Variants in NCKAP5 observed in about 807,000 individuals in gnomAD.
NCKAP5 encodes the protein NCK associated protein 5.
A neutral mutation model predicts 167.0 loss-of-function variants in NCKAP5; 92 were observed. The ratio of observed to expected loss-of-function variants is 0.55; its 90% CI spans 0.47 to 0.66. The LOEUF (loss-of-function observed/expected upper bound fraction) is 0.66. Among genes scored for constraint, NCKAP5 ranks in the 30% least tolerant of loss-of-function variants. NCKAP5 has a pLI of 0.00. For missense variants in NCKAP5, 2,378 were observed against 2,315.0 expected (o/e 1.03, Z -0.56); for synonymous variants, 891 against 877.4 (o/e 1.02, Z -0.27).
chr2:133,476,053 T>A (rs1386738387), intron 3 of NCKAP5, among the ~76,000 whole-genome samples: 3 of 152,214 alleles, frequency 2.0e-5, no homozygotes, highest in Admixed American at 2.0e-4. Flanking sequence ...TTATCCTCCA[T>A]CCATGTCTCT....
intron 19 of NCKAP5, among the ~76,000 whole-genome samples, chr2:132,719,806 G>A (rs994673211): frequency 1.3e-5 from 2 of 152,194 alleles, no homozygotes; most frequent in Admixed American, 6.5e-5. Context: ...GCGACTCCTT[G>A]CTTCATAGTT....
chr2:133,567,880 GT>G (rs976257996), intron 1 of NCKAP5, among the ~76,000 whole-genome samples: 16 of 152,162 alleles, frequency 1.1e-4, no homozygotes, highest in African/African-American at 3.6e-4. Context: ...CAGCCTAATA[GT>G]TTTTTGGTTG....
intron 16 of NCKAP5, among the ~76,000 whole-genome samples, chr2:132,742,752 T>C (rs1679313004): frequency 6.6e-6 from 1 of 151,968 alleles, no homozygotes; most frequent in African/African-American, 2.4e-5. Context: ...ATATTCATTT[T>C]AACATGTTTT....
At chr2:133,384,584 T>G (rs1021410417) in intron 3 of NCKAP5, among the ~76,000 whole-genome samples, 55 of 152,338 alleles carry the variant, frequency 3.6e-4, no homozygotes, top group African/African-American at 1.3e-3. Flanking sequence ...TTTTTCCAAT[T>G]CTGTGAAGAA....
chr2:132,946,791 A>G (rs1458625626), intron 8 of NCKAP5, among the ~76,000 whole-genome samples: 3 of 152,150 alleles, frequency 2.0e-5, no homozygotes, highest in African/African-American at 7.2e-5. Flanking sequence ...CCAGCTACTC[A>G]AGAGGCTGAG....
chr2:133,573,232 A>G (rs1688929131), upstream of NCKAP5, among the ~76,000 whole-genome samples: 1 of 152,246 alleles, frequency 6.6e-6, no homozygotes. Flanking sequence ...AGGAATTCCA[A>G]CAAAGTTCAG....
At chr2:133,281,660 T>C (rs2089940750) in intron 4 of NCKAP5, among the ~76,000 whole-genome samples, 1 of 152,218 alleles carries the variant, frequency 6.6e-6, no homozygotes. Context: ...AAAGAATGTG[T>C]TCTGCCTTTC....
rs575885806 is a variant in NCKAP5, at chr2:132,707,374, C to A, written c.5713+18253G>T. 4.6e-5 allele frequency among the ~76,000 whole-genome samples: 7 copies of A among 152,348 alleles called. No homozygotes were observed. In the East Asian group the frequency reaches 1.3e-3, roughly 29 times the overall value. On this transcript the variant is annotated intron_variant, in intron 19 of 19. Coordinates refer to ENST00000409261, the MANE Select transcript of NCKAP5 (RefSeq NM_207363.3). ...CCAGTGGTCAGAATCTGAGTTCCTG[C>A]AAGCCTTGTGGGCTAATGTGGTCTG...
At chr2:132,855,371 T>G (rs149858573) in intron 11 of NCKAP5, among the ~76,000 whole-genome samples, 3 of 152,344 alleles carry the variant, frequency 2.0e-5, no homozygotes, top group African/African-American at 7.2e-5. Context: ...ATCTGAGCCC[T>G]GGTGTTACTC....
Position 132,790,189 on chromosome 2 carries a change from G to T in NCKAP5, c.926C>A (p.Thr309Lys). 4 of 1,612,710 alleles carry T rather than the reference G, an allele frequency of 2.5e-6. No individual in the cohort carries two copies. The highest frequency in any genetic ancestry group is 2.5e-6 in the Non-Finnish European group (3 of 1,179,434). Reference sequence around the variant, plus strand: ...GCCAGGGCATTTCAAGGCCGATTTTGTATTTAGTTGGTGTTCCTGAAAAAG... The same window carrying T: ...GCCAGGGCATTTCAAGGCCGATTTTTTATTTAGTTGGTGTTCCTGAAAAAG... ...DAEVHEHQLN[T>K]KSALKCPGLG... The change falls in exon 13 of 20, where the codon ACA becomes AAA. Residue 309 changes from threonine (T) to lysine (K), a missense_variant. Physicochemically the swap from Thr to Lys is moderately conservative, Grantham distance 78. Coordinates refer to ENST00000409261, the MANE Select transcript of NCKAP5 (RefSeq NM_207363.3).
chr2:132,863,506 G>A (rs1384274316), intron 10 of NCKAP5, among the ~76,000 whole-genome samples: 1 of 151,106 alleles, frequency 6.6e-6, no homozygotes, highest in Non-Finnish European at 1.5e-5. Context: ...ATACTTTATA[G>A]AGAGTCTTTA....
rs370780894 is a variant in NCKAP5, at chr2:132,735,677, T to C, written c.5129-3626A>G. On this transcript the variant is annotated intron_variant, in intron 16 of 19. Transcript: ENST00000409261. ...GGCTTTGTCTCCCTCTTCTATGTAT[T>C]ATAAGGCACATAGAGCACTTAATCC... Among the ~76,000 whole-genome samples, 7 of 152,340 alleles carry C rather than the reference T, an allele frequency of 4.6e-5. No homozygotes were observed. The South Asian group carries it at 1.4e-3, about 32-fold the overall frequency.
intron 8 of NCKAP5, among the ~76,000 whole-genome samples, chr2:132,944,263 C>G (rs1349881886): frequency 1.3e-5 from 2 of 152,112 alleles, no homozygotes; most frequent in African/African-American, 4.8e-5. Context: ...GGAGGCAGAT[C>G]TAGCACTCAT....
intron 7 of NCKAP5, among the ~76,000 whole-genome samples, chr2:132,982,114 G>T (rs2077158862): frequency 1.3e-5 from 2 of 152,226 alleles, no homozygotes; most frequent in African/African-American, 4.8e-5. Flanking sequence ...ATGTGAAGGG[G>T]AAGAACAGTT....
the NCKAP5 span, among the ~76,000 whole-genome samples, chr2:133,659,516 A>G: frequency 6.6e-6 from 1 of 152,238 alleles, no homozygotes; most frequent in Non-Finnish European, 1.5e-5. Context: ...ATTAAAATTT[A>G]AAATTTTGCC....
chr2:133,105,454 C>G (rs1376507356), intron 6 of NCKAP5, among the ~76,000 whole-genome samples: 3 of 152,224 alleles, frequency 2.0e-5, no homozygotes, highest in Non-Finnish European at 4.4e-5. Context: ...GCACTCAAAT[C>G]TATCCAATTG....
intron 8 of NCKAP5, among the ~76,000 whole-genome samples, chr2:132,946,509 A>C (rs1308116779): frequency 6.6e-6 from 1 of 152,196 alleles, no homozygotes; most frequent in Non-Finnish European, 1.5e-5. Context: ...ATGTCCCAAA[A>C]ACATCTTAAT....
intron 8 of NCKAP5, among the ~76,000 whole-genome samples, chr2:132,908,573 T>C (rs887866761): frequency 6.6e-6 from 1 of 152,250 alleles, no homozygotes; most frequent in Non-Finnish European, 1.5e-5. Context: ...TTTCTTTTAA[T>C]GCTAATTGTT....
rs563616241 is a variant in NCKAP5, at chr2:132,815,751, A to G, written c.808-19022T>C. Among the ~76,000 whole-genome samples, 214 of 152,358 alleles carry G rather than the reference A, an allele frequency of 1.4e-3. 1 individual carries two copies. Among genetic ancestry groups the G allele is most frequent in the African/African-American group, 4.9e-3 (203 of 41,578 alleles). Reference sequence around the variant, plus strand: ...AGCCCAGTGCATCATCAAGCTCTACATTGGAGCAAAGCCCAGGTCCACACG... The same window carrying G: ...AGCCCAGTGCATCATCAAGCTCTACGTTGGAGCAAAGCCCAGGTCCACACG... On this transcript the variant is annotated intron_variant, in intron 11 of 19. Transcript: ENST00000409261.
Sources: gnomAD v4.1 joint callset for allele counts (sites outside exome capture counted in the v4.1 genomes callset) on GRCh38, gnomAD v4.1.1 for gene constraint, MANE v1.5 for transcripts, NCBI Gene and HGNC (gene_info 2026-07-23, HGNC 2026-07-21) for gene names.